THSD7B: variants seen among roughly 807,000 people sequenced by gnomAD.
The protein encoded by THSD7B is thrombospondin type-1 domain-containing protein 7B.
Under a neutral mutation model 213.6 loss-of-function variants are expected in THSD7B, and 138 were observed. That is an observed-to-expected ratio of 0.65 (90% CI 0.56 to 0.74). The LOEUF (loss-of-function observed/expected upper bound fraction) is 0.74, where lower values mean the gene tolerates loss of function less well. THSD7B is among the 30% of genes least tolerant of loss of function. The probability of loss-of-function intolerance (pLI) is 0.00; values close to 1 mark genes in which losing one functional copy is unlikely to be tolerated. For synonymous variants in THSD7B, 742 were observed against 687.0 expected, an observed-to-expected ratio of 1.08 and a Z score of -1.25; for missense variants, 1,931 against 1,991.5, an observed-to-expected ratio of 0.97 and a Z score of 0.58.
chr2:136,883,212 C>T (rs1043959116), intron 2 of THSD7B, among the ~76,000 whole-genome samples: 5 of 151,568 alleles, frequency 3.3e-5, no homozygotes, highest in African/African-American at 1.2e-4. Context: ...CATTTTGGCC[C>T]CATCATCTGT....
At chr2:137,200,607 C>T (rs1236088614) in intron 7 of THSD7B, among the ~76,000 whole-genome samples, 3 of 151,992 alleles carry the variant, frequency 2.0e-5, no homozygotes, top group Admixed American at 6.6e-5. Context: ...TTCCCTGAAC[C>T]TCTCCTGCCC....
In THSD7B at chr2:136,841,603, A is replaced by AG. The variant is rs1387455031; in HGVS notation, c.-35-40541_-35-40540insG. ...AGAGCAAGACTCCATCAAAAAAAAAAAAAAAAAAAGAGGAAAAGAAAAAGA... is the reference window on the plus strand; with the variant it reads ...AGAGCAAGACTCCATCAAAAAAAAAAGAAAAAAAAAGAGGAAAAGAAAAAGA... On this transcript the variant is annotated intron_variant, in intron 1 of 27. Coordinates refer to ENST00000409968, the MANE Select transcript of THSD7B (RefSeq NM_001316349.2). 5.3e-5 allele frequency among the ~76,000 whole-genome samples: 8 copies of AG among 151,544 alleles called. No homozygotes were observed. In the East Asian group the frequency reaches 1.5e-3, roughly 29 times the overall value.
At chr2:137,584,191 A>T (rs1249833647) in intron 17 of THSD7B, among the ~76,000 whole-genome samples, 1 of 152,010 alleles carries the variant, frequency 6.6e-6, no homozygotes, top group Non-Finnish European at 1.5e-5. Context: ...TTGATTTTGT[A>T]TCCTGAGACT....
intron 12 of THSD7B, among the ~76,000 whole-genome samples, chr2:137,315,610 GTAT>G (rs1684078705): frequency 1.3e-5 from 2 of 151,872 alleles, no homozygotes; most frequent in East Asian, 1.9e-4. Context: ...TCTAGATTTG[GTAT>G]TATTATAGAA....
At chr2:137,293,398 C>T (rs770316947) in intron 12 of THSD7B, among the ~76,000 whole-genome samples, 3 of 152,096 alleles carry the variant, frequency 2.0e-5, no homozygotes, top group East Asian at 1.9e-4. Flanking sequence ...TTGGCCTCCC[C>T]GAAGTGCTGA....
chr2:137,371,126 T>C (rs1685529826), intron 12 of THSD7B, among the ~76,000 whole-genome samples: 1 of 152,166 alleles, frequency 6.6e-6, no homozygotes, highest in South Asian at 2.1e-4. Context: ...TGACCTATTT[T>C]ATCTGGACTC....
rs141639911 is a variant in THSD7B at position 137,371,605 on chromosome 2, C to A, written c.2501-34008C>A. Among the ~76,000 whole-genome samples, 15 of 152,188 alleles carry A rather than the reference C, an allele frequency of 9.9e-5. No homozygotes were observed. The East Asian group carries it at 2.9e-3, about 29-fold the overall frequency. ...AATTTTTTAATGATTTCCTCCCTGG[C>A]ATATTTTTGTTCTCTAGTTCTAGAA... On this transcript the variant is annotated intron_variant, in intron 12 of 27. Coordinates refer to ENST00000409968, the MANE Select transcript of THSD7B (RefSeq NM_001316349.2).
At chr2:137,276,156 T>C in intron 12 of THSD7B, 130 bp downstream of exon 12, 1 of 686,246 alleles carries the variant, frequency 1.5e-6, no homozygotes, top group Non-Finnish European at 2.3e-6. Context: ...TATTTATTGA[T>C]GTTAAATATA....
At chr2:137,314,045 T>C (rs373802889) in intron 12 of THSD7B, among the ~76,000 whole-genome samples, 7 of 152,204 alleles carry the variant, frequency 4.6e-5, no homozygotes, top group Admixed American at 6.5e-5. Flanking sequence ...TGAATCTGAA[T>C]GTTGGCCTGC....
chr2:137,645,735 T>G (rs1573763104), intron 21 of THSD7B, among the ~76,000 whole-genome samples: 1 of 152,088 alleles, frequency 6.6e-6, no homozygotes, highest in East Asian at 1.9e-4. Context: ...GTATCAGTAC[T>G]TTCAAAACTT....
intron 3 of THSD7B, 38 bp downstream of exon 3, chr2:137,057,268 A>G (rs1239564867): frequency 1.3e-6 from 2 of 1,495,744 alleles, no homozygotes; most frequent in Non-Finnish European, 1.8e-6. Flanking sequence ...ATTCACCTAA[A>G]ATATTTTATA....
intron 8 of THSD7B, among the ~76,000 whole-genome samples, chr2:137,232,247 C>G (rs1353551237): frequency 6.6e-6 from 1 of 152,138 alleles, no homozygotes; most frequent in African/African-American, 2.4e-5. Context: ...ATTGGATTGT[C>G]TGACTCATCC....
intron 2 of THSD7B, among the ~76,000 whole-genome samples, chr2:137,034,152 T>G (rs1328111923): frequency 6.6e-6 from 1 of 152,154 alleles, no homozygotes; most frequent in Non-Finnish European, 1.5e-5. Context: ...GGCTGCATAG[T>G]ATTCCATGGT....
intron 12 of THSD7B, among the ~76,000 whole-genome samples, chr2:137,404,597 A>G (rs1190003871): frequency 1.3e-5 from 2 of 149,686 alleles, no homozygotes; most frequent in Non-Finnish European, 3.0e-5. Flanking sequence ...CTATATATAC[A>G]CACACATACT....
intron 2 of THSD7B, among the ~76,000 whole-genome samples, chr2:137,011,315 T>C (rs940706181): frequency 6.6e-6 from 1 of 152,210 alleles, no homozygotes; most frequent in Non-Finnish European, 1.5e-5. Context: ...TTTATCTTTT[T>C]CAGTTAGTAT....
In THSD7B at chr2:136,853,038, ATGTGTGTGTGTG is replaced by A. The variant is rs561509512; in HGVS notation, c.-35-29105_-35-29094del. On this transcript the variant is annotated intron_variant, in intron 1 of 27. Transcript: ENST00000409968. ...CCACTTTGCATGTGTGTGTGTGTGC[ATGTGTGTGTGTG>A]CATGTGCATGTGTGTGTATGTGTTC... Among the ~76,000 whole-genome samples, 13 of 151,102 alleles carry A rather than the reference ATGTGTGTGTGTG, an allele frequency of 8.6e-5. 1 individual carries two copies. In the South Asian group the frequency reaches 2.7e-3, roughly 32 times the overall value.
At chr2:137,356,947 T>TACACACAC (rs369031158) in intron 12 of THSD7B, among the ~76,000 whole-genome samples, 4 of 113,742 alleles carry the variant, frequency 3.5e-5, no homozygotes, top group Admixed American at 2.0e-4. Flanking sequence ...CACACACACA[T>TACACACAC]ACACACACAC....
chr2:136,806,269 G>A (rs1682279371), intron 1 of THSD7B, among the ~76,000 whole-genome samples: 1 of 152,152 alleles, frequency 6.6e-6, no homozygotes, highest in Non-Finnish European at 1.5e-5. Flanking sequence ...GGACAGTGCG[G>A]GCTCTGGAGT....
chr2:137,100,941 G>A (rs887885327), intron 4 of THSD7B, among the ~76,000 whole-genome samples: 7 of 152,258 alleles, frequency 4.6e-5, no homozygotes, highest in East Asian at 1.9e-4. Flanking sequence ...CAAAAAAGGT[G>A]AGGAATGATA....
Sources: allele counts gnomAD v4.1 joint callset (sites outside exome capture counted in the v4.1 genomes callset), GRCh38; gene constraint gnomAD v4.1.1; transcripts MANE v1.5; gene names NCBI Gene and HGNC (gene_info 2026-07-23, HGNC 2026-07-21).